TSEN2: variants seen among roughly 807,000 people sequenced by gnomAD.
The protein encoded by TSEN2 is tRNA-splicing endonuclease subunit Sen2.
In TSEN2, 54 loss-of-function variants were observed where a neutral mutation model predicts 59.2. That is an observed-to-expected ratio of 0.91 (90% CI 0.73 to 1.14). The LOEUF is 1.14. Among genes scored for constraint, TSEN2 ranks in the 50% most tolerant of loss-of-function variants. TSEN2 has a pLI of 0.00. For synonymous variants in TSEN2, 195 were observed against 198.2 expected (o/e 0.98, Z 0.14); for missense variants, 636 against 576.2 (o/e 1.10, Z -1.06).
At position 12,516,601 on chromosome 3, in the gene TSEN2, G is replaced by A; in HGVS notation, c.910-10G>A. On this transcript the variant is annotated splice_polypyrimidine_tract_variant and intron_variant, in intron 6 of 11. Transcript: ENST00000284995. ...TTGTAATGAGCATTTTCTGCTTGCT[G>A]TATTTTCAGGCCTTTTTCTTGGTCT... 1 of 1,613,730 alleles carries A rather than the reference G, an allele frequency of 6.2e-7. No individual in the cohort carries two copies. Among genetic ancestry groups the A allele is most frequent in the Non-Finnish European group, 8.5e-7 (1 of 1,179,884 alleles).
intron 10 of TSEN2, chr3:12,530,709 A>T: frequency 1.0e-6 from 1 of 985,442 alleles, no homozygotes; most frequent in Non-Finnish European, 1.2e-6. Context: ...TAGGGAGCCT[A>T]TACTGTTTCT....
In TSEN2 at chr3:12,489,827, A is replaced by G. The variant is rs200923359; in HGVS notation, c.27A>G (p.Pro9=). The G allele has an allele frequency of 6.2e-7, 1 of 1,613,842 alleles. No individual in the cohort carries two copies. Among genetic ancestry groups the G allele is most frequent in the African/African-American group, 1.3e-5 (1 of 75,014 alleles). The part of the protein sequence containing the change: MAEAVFHA[P]KRKRRVYETY... ...TGGCAGAAGCAGTTTTCCATGCCCCAAAGAGGAAAAGAAGAGTGTATGAGA... is the reference window on the plus strand; with the variant it reads ...TGGCAGAAGCAGTTTTCCATGCCCCGAAGAGGAAAAGAAGAGTGTATGAGA... Residue 9 remains proline (P), a synonymous_variant, in exon 2 of 12, where the codon CCA becomes CCG. Coordinates refer to ENST00000284995, the MANE Select transcript of TSEN2 (RefSeq NM_025265.4).
At chr3:12,513,994 C>T (rs116103198) in intron 6 of TSEN2, among the ~76,000 whole-genome samples, 2,111 of 152,318 alleles carry the variant, frequency 0.014, 21 homozygotes, top group South Asian at 0.023. Flanking sequence ...TCAACACAAG[C>T]ATTGAACACC....
At chr3:12,492,059 G>A (rs545608727) in intron 2 of TSEN2, 77 bp from the exon 3 acceptor site, 715 of 1,257,660 alleles carry the variant, frequency 5.7e-4, no homozygotes, top group Non-Finnish European at 7.8e-4. Context: ...GATACTGAGG[G>A]ATTACTGTAT....
chr3:12,530,508 A>G, intron 10 of TSEN2: 3 of 985,480 alleles, frequency 3.0e-6, no homozygotes, highest in Non-Finnish European at 3.6e-6. Context: ...ACTATCAAGA[A>G]AGAAAGCTGT....
chr3:12,511,389 G>A (rs890794635), intron 6 of TSEN2, among the ~76,000 whole-genome samples: 4 of 152,102 alleles, frequency 2.6e-5, no homozygotes, highest in African/African-American at 4.8e-5. Flanking sequence ...TGGGATTTCA[G>A]GGTACAATAA....
intron 4 of TSEN2, among the ~76,000 whole-genome samples, chr3:12,502,690 T>TG (rs1553582942): frequency 5.8e-4 from 63 of 108,504 alleles, no homozygotes; most frequent in African/African-American, 2.7e-3. Context: ...TTTTTTTTTG[T>TG]TTTTTTTTTT....
At chr3:12,516,190 C>T (rs944645776) in intron 6 of TSEN2, among the ~76,000 whole-genome samples, 15 of 152,018 alleles carry the variant, frequency 9.9e-5, no homozygotes, top group South Asian at 4.2e-4. Flanking sequence ...TTTGGGAGGC[C>T]GAGGCAGGTG....
chr3:12,530,830 C>A (rs149549882), intron 10 of TSEN2: 16,980 of 901,618 alleles, frequency 0.019, 209 homozygotes, highest in Non-Finnish European at 0.021. Flanking sequence ...ATAACAAAAC[C>A]GTTTTTTCTT....
At chr3:12,489,704 A>G (rs1043925163) in intron 1 of TSEN2, 80 bp from the exon 2 acceptor site, 6 of 1,201,834 alleles carry the variant, frequency 5.0e-6, no homozygotes, top group Non-Finnish European at 6.0e-6. Context: ...TTCTGAGCCT[A>G]GGTACAGATG....
chr3:12,481,946 G>C (rs2052198954), upstream of TSEN2, among the ~76,000 whole-genome samples: 1 of 144,032 alleles, frequency 6.9e-6, no homozygotes, highest in Non-Finnish European at 1.5e-5. Context: ...TATATATGTA[G>C]ATGCAGATGT....
intron 4 of TSEN2, among the ~76,000 whole-genome samples, chr3:12,501,756 G>T (rs745707632): frequency 6.6e-6 from 1 of 152,124 alleles, no homozygotes; most frequent in Non-Finnish European, 1.5e-5. Flanking sequence ...AGTTACATCT[G>T]CCTTCTCACA....
At chr3:12,512,451 G>T (rs1264664047) in intron 6 of TSEN2, among the ~76,000 whole-genome samples, 1 of 152,208 alleles carries the variant, frequency 6.6e-6, no homozygotes, top group Non-Finnish European at 1.5e-5. Flanking sequence ...CACAGTTCCT[G>T]GCACATGTAA....
Position 12,489,789 on chromosome 3 carries a change from C to T in TSEN2, c.-12C>T. ...TTGTTGTCTACTCTTTAAAGAATAC[C>T]TCCTCTGAAAAATGGCAGAAGCAGT... On this transcript the variant is annotated 5_prime_UTR_variant, in exon 2 of 12. Transcript: ENST00000284995. 6.2e-7 allele frequency: 1 copy of T among 1,611,634 alleles called. No homozygotes were observed. The highest frequency in any genetic ancestry group is 8.5e-7 in the Non-Finnish European group (1 of 1,179,756).
At chr3:12,492,375 A>G (rs1575233131) in intron 3 of TSEN2, among the ~76,000 whole-genome samples, 158 bp downstream of exon 3, 2 of 152,212 alleles carry the variant, frequency 1.3e-5, no homozygotes, top group East Asian at 1.9e-4. Flanking sequence ...ATCAAAGCAA[A>G]AGGGTTATGA....
chr3:12,496,971 C>T (rs990197007), intron 4 of TSEN2, among the ~76,000 whole-genome samples: 4 of 152,094 alleles, frequency 2.6e-5, no homozygotes, highest in Admixed American at 6.6e-5. Context: ...TAGACATTCC[C>T]GGAACGTTTC....
intron 2 of TSEN2, among the ~76,000 whole-genome samples, chr3:12,491,189 A>G (rs1277074980): frequency 6.6e-6 from 1 of 151,954 alleles, no homozygotes; most frequent in Non-Finnish European, 1.5e-5. Context: ...ACAGGGTTTC[A>G]CCATGTTGGC....
At chr3:12,495,699 T>G (rs1433072613) in intron 3 of TSEN2, among the ~76,000 whole-genome samples, 8 of 152,252 alleles carry the variant, frequency 5.3e-5, no homozygotes, top group Admixed American at 5.2e-4. Flanking sequence ...GTGTGCTCAC[T>G]TTCCTGTGGG....
intron 3 of TSEN2, among the ~76,000 whole-genome samples, chr3:12,493,303 A>G (rs2053414959): frequency 1.3e-5 from 2 of 152,212 alleles, no homozygotes; most frequent in African/African-American, 2.4e-5. Context: ...AATGGGTCAT[A>G]TGATAATTGT....
Sources: allele counts gnomAD v4.1 joint callset (sites outside exome capture counted in the v4.1 genomes callset), GRCh38; gene constraint gnomAD v4.1.1; transcripts MANE v1.5; gene names NCBI Gene and HGNC (gene_info 2026-07-23, HGNC 2026-07-21).